The following FBXO16 variants were observed in gnomAD, a reference collection of about 807,000 sequenced individuals.
The protein encoded by FBXO16 is F-box only protein 16.
FBXO16 carries 31 observed loss-of-function variants against 41.0 expected under a neutral mutation model. The ratio of observed to expected loss-of-function variants is 0.76; its 90% CI spans 0.57 to 1.02. FBXO16 has a LOEUF of 1.02. Ranked by LOEUF, FBXO16 falls within the 50% of genes least tolerant of loss-of-function variation. FBXO16 has a pLI of 0.00. For synonymous variants in FBXO16, 133 were observed against 117.8 expected (o/e 1.13, Z -0.84); for missense variants, 361 against 346.2 (o/e 1.04, Z -0.34).
chr8:28,438,596 C>T (rs1802718829), intron 7 of FBXO16, among the ~76,000 whole-genome samples: 1 of 152,194 alleles, frequency 6.6e-6, no homozygotes, highest in African/African-American at 2.4e-5. Context: ...ACTATTACTA[C>T]CACTAGCTTT....
chr8:28,436,370 C>T (rs1265665150), intron 7 of FBXO16, among the ~76,000 whole-genome samples: 3 of 152,322 alleles, frequency 2.0e-5, no homozygotes, highest in East Asian at 3.9e-4. Flanking sequence ...TTACTCCCCG[C>T]TTATGCTTCT....
intron 2 of FBXO16, 40 bp from the exon 3 acceptor site, chr8:28,473,847 A>G (rs1356504787): frequency 4.3e-6 from 6 of 1,401,204 alleles, no homozygotes; most frequent in East Asian, 2.3e-5. Flanking sequence ...TTCATATACC[A>G]TAGTTCAAAA....
intron 1 of FBXO16, among the ~76,000 whole-genome samples, chr8:28,489,203 G>T (rs571874878): frequency 6.6e-6 from 1 of 151,838 alleles, no homozygotes; most frequent in Non-Finnish European, 1.5e-5. Context: ...TTAGCAGAGC[G>T]TGGTGGTGTG....
intron 3 of FBXO16, among the ~76,000 whole-genome samples, chr8:28,467,185 C>CA (rs1021224822): frequency 1.3e-4 from 19 of 151,946 alleles, no homozygotes; most frequent in African/African-American, 4.4e-4. Context: ...ATTACGGTTA[C>CA]AAAAAATTTT....
intron 4 of FBXO16, among the ~76,000 whole-genome samples, chr8:28,460,246 T>TATATATATATATA (rs58128827): frequency 6.0e-5 from 4 of 66,694 alleles, no homozygotes; most frequent in African/African-American, 2.4e-4. Context: ...TATATATATA[T>TATATATATATATA]TTTTTTTTTT....
intron 2 of FBXO16, among the ~76,000 whole-genome samples, chr8:28,477,704 C>A (rs1281037003): frequency 6.6e-6 from 1 of 152,118 alleles, no homozygotes; most frequent in Non-Finnish European, 1.5e-5. Context: ...CCACCAACAC[C>A]CATATAACTC....
chr8:28,480,406 C>CA (rs943263915), intron 2 of FBXO16, among the ~76,000 whole-genome samples: 8 of 152,108 alleles, frequency 5.3e-5, no homozygotes, highest in African/African-American at 1.9e-4. Flanking sequence ...GCTAAGGACA[C>CA]AAAGATGAAG....
intron 1 of FBXO16, among the ~76,000 whole-genome samples, chr8:28,487,973 C>T (rs987495061): frequency 6.6e-6 from 1 of 152,028 alleles, no homozygotes; most frequent in African/African-American, 2.4e-5. Flanking sequence ...CTGCCTCAGC[C>T]TCCCAAGTAG....
intron 2 of FBXO16, among the ~76,000 whole-genome samples, chr8:28,480,401 G>A (rs1369340381): frequency 6.6e-6 from 1 of 152,146 alleles, no homozygotes; most frequent in African/African-American, 2.4e-5. Flanking sequence ...TCCAGGCTAA[G>A]GACACAAAGA....
Position 28,428,677 on chromosome 8 carries a change from A to G in FBXO16, c.*50T>C. 1 of 1,573,766 alleles carries G rather than the reference A, an allele frequency of 6.4e-7. No individual in the cohort carries two copies. The highest frequency in any genetic ancestry group is 1.4e-5 in the African/African-American group (1 of 73,822). On this transcript the variant is annotated 3_prime_UTR_variant, in exon 9 of 9. Transcript: ENST00000380254. ...CAGTGTCTGGGAGTCCCACTGACTCAGGGGGAGGCCAGGCGAGATGAGCTG... is the reference window on the plus strand; with the variant it reads ...CAGTGTCTGGGAGTCCCACTGACTCGGGGGGAGGCCAGGCGAGATGAGCTG...
At chr8:28,460,245 A>ATATATATATATATTT (rs1477457728) in intron 4 of FBXO16, among the ~76,000 whole-genome samples, 1 of 85,484 alleles carries the variant, frequency 1.2e-5, no homozygotes, top group African/African-American at 6.3e-5. Context: ...ATATATATAT[A>ATATATATATATATTT]TTTTTTTTTT....
Position 28,463,744 on chromosome 8 carries a change from T to C in FBXO16, c.210A>G (p.Gln70=). The C allele has an allele frequency of 6.2e-7, 1 of 1,614,244 alleles. No homozygotes were observed. The highest frequency in any genetic ancestry group is 8.5e-7 in the Non-Finnish European group (1 of 1,180,036). ...GLLERCSLSQ[Q]KFCCRKLQEK... is the part of the protein sequence containing the mutation. Reference sequence around the variant, plus strand: ...CTTGAAGCTTTCGACAGCAGAACTTTTGCTGGGACAGCGAGCAGCGCTCCA... The same window carrying C: ...CTTGAAGCTTTCGACAGCAGAACTTCTGCTGGGACAGCGAGCAGCGCTCCA... The change falls in exon 4 of 9, where the codon CAA becomes CAG. Residue 70 remains glutamine, a synonymous_variant. Transcript: ENST00000380254.
intron 2 of FBXO16, among the ~76,000 whole-genome samples, chr8:28,476,644 A>C (rs17059151): frequency 0.024 from 3,617 of 152,238 alleles, 125 homozygotes; most frequent in African/African-American, 0.083. Flanking sequence ...TTAAGTCAAA[A>C]TCCCACGGTT....
intron 6 of FBXO16, 116 bp downstream of exon 6, chr8:28,452,128 G>A: frequency 1.0e-6 from 1 of 983,366 alleles, no homozygotes; most frequent in Non-Finnish European, 1.5e-6. Context: ...TTGCTTCTAT[G>A]TACTGAAAAG....
chr8:28,478,421 C>T (rs771610600), intron 2 of FBXO16, among the ~76,000 whole-genome samples: 12 of 152,054 alleles, frequency 7.9e-5, no homozygotes, highest in African/African-American at 1.9e-4. Flanking sequence ...ACTGAATGTT[C>T]GGTCAGTGTG....
At chr8:28,484,997 C>A (rs1803579766) in intron 1 of FBXO16, among the ~76,000 whole-genome samples, 1 of 152,012 alleles carries the variant, frequency 6.6e-6, no homozygotes, top group South Asian at 2.1e-4. Flanking sequence ...TGCCTCAGCT[C>A]CCCTAGTAGC....
chr8:28,456,761 T>A lies in FBXO16; in HGVS notation c.507+5A>T, dbSNP rs369301595. The A allele has an allele frequency of 6.2e-7, 1 of 1,612,674 alleles. No individual in the cohort carries two copies. The highest frequency in any genetic ancestry group is 8.5e-7 in the Non-Finnish European group (1 of 1,179,164). On this transcript the variant is annotated splice_donor_5th_base_variant and intron_variant, in intron 5 of 8. Transcript: ENST00000380254. The stretch of plus-strand genomic sequence containing the variant: ...CAAGCTTGTGGCTTTCTGTCTAAAA[T>A]TCACCTTAGGCTTGGTAATATGAAG...
At chr8:28,438,751 T>C (rs1802720770) in intron 7 of FBXO16, among the ~76,000 whole-genome samples, 1 of 152,156 alleles carries the variant, frequency 6.6e-6, no homozygotes, top group Non-Finnish European at 1.5e-5. Flanking sequence ...ACTACTAAAA[T>C]AGTGGTACGA....
chr8:28,429,335 A>G, intron 8 of FBXO16, 43 bp downstream of exon 8: 1 of 1,609,108 alleles, frequency 6.2e-7, no homozygotes, highest in Non-Finnish European at 8.5e-7. Context: ...CGATCTCTCT[A>G]AAAAGGCAAA....
Sources: allele counts gnomAD v4.1 joint callset (sites outside exome capture counted in the v4.1 genomes callset), GRCh38; gene constraint gnomAD v4.1.1; transcripts MANE v1.5; gene names NCBI Gene and HGNC (gene_info 2026-07-23, HGNC 2026-07-21).